ADGRL4: variants seen among roughly 807,000 people sequenced by gnomAD.
The protein encoded by ADGRL4 is adhesion G protein-coupled receptor L4.
ADGRL4 carries 90 observed loss-of-function variants against 74.8 expected under a neutral mutation model. That is an observed-to-expected ratio of 1.20 (90% CI 1.02 to 1.43). The LOEUF (loss-of-function observed/expected upper bound fraction) is 1.43. Ranked by LOEUF, ADGRL4 falls within the 40% of genes most tolerant of loss-of-function variation. The probability of loss-of-function intolerance (pLI) is 0.00; values close to 1 mark genes in which losing one functional copy is unlikely to be tolerated. For missense variants in ADGRL4, 881 were observed against 814.3 expected, an observed-to-expected ratio of 1.08 and a Z score of -1.00; for synonymous variants, 311 against 279.2, an observed-to-expected ratio of 1.11 and a Z score of -1.14.
chr1:79,005,330 A>G, intron 1 of ADGRL4, 111 bp from the exon 2 acceptor site: 2 of 901,106 alleles, frequency 2.2e-6, no homozygotes, highest in South Asian at 5.7e-5. Flanking sequence ...ATTTAGATAA[A>G]TGGATTATAA....
At chr1:78,969,928 T>C (rs1650136968) in intron 2 of ADGRL4, among the ~76,000 whole-genome samples, 1 of 152,166 alleles carries the variant, frequency 6.6e-6, no homozygotes, top group Non-Finnish European at 1.5e-5. Context: ...TCTGAGCAAT[T>C]ATCCTGCAAA....
intron 2 of ADGRL4, among the ~76,000 whole-genome samples, chr1:78,990,130 C>T (rs1650576369): frequency 6.6e-6 from 1 of 151,912 alleles, no homozygotes; most frequent in African/African-American, 2.4e-5. Flanking sequence ...CATCATAGTG[C>T]TTCATCCTCA....
chr1:78,968,094 G>A (rs1650091970), intron 2 of ADGRL4, among the ~76,000 whole-genome samples: 1 of 152,026 alleles, frequency 6.6e-6, no homozygotes, highest in Non-Finnish European at 1.5e-5. Context: ...TGTGAATAAA[G>A]CTAACATATA....
At chr1:78,987,465 T>TA (rs902159526) in intron 2 of ADGRL4, among the ~76,000 whole-genome samples, 5 of 151,640 alleles carry the variant, frequency 3.3e-5, no homozygotes, top group East Asian at 1.9e-4. Context: ...TGAATCAGGA[T>TA]AAAAAAATTA....
chr1:78,966,977 G>A (rs1406017980), intron 2 of ADGRL4, among the ~76,000 whole-genome samples: 8 of 151,462 alleles, frequency 5.3e-5, no homozygotes, highest in Non-Finnish European at 2.9e-5. Flanking sequence ...ATCTTATGGG[G>A]ACTGGGTTTT....
At chr1:78,947,114 G>T (rs1477993066) in intron 2 of ADGRL4, among the ~76,000 whole-genome samples, 1 of 152,136 alleles carries the variant, frequency 6.6e-6, no homozygotes, top group Non-Finnish European at 1.5e-5. Flanking sequence ...TGGAAAATAT[G>T]TGCTTCTCAG....
chr1:78,959,092 G>A (rs140637167), intron 2 of ADGRL4, among the ~76,000 whole-genome samples: 1 of 152,002 alleles, frequency 6.6e-6, no homozygotes, highest in African/African-American at 2.4e-5. Context: ...ACTTACTACT[G>A]TATAATGTAA....
At position 78,928,872 on chromosome 1, in the gene ADGRL4, G is replaced by A. The variant is rs570098447; in HGVS notation, c.878-1781C>T. On this transcript the variant is annotated intron_variant, in intron 7 of 14. Coordinates refer to ENST00000370742, the MANE Select transcript of ADGRL4 (RefSeq NM_022159.4). ...CTTCCAAACTATTAGAAAACTACTG[G>A]GGTGACAGGAGTTATGATTTTTCCT... is the stretch of plus-strand genomic sequence containing the variant. Among the ~76,000 whole-genome samples, 45 of 151,368 alleles carry A rather than the reference G, an allele frequency of 3.0e-4. 3 individuals are homozygous for A. The highest frequency in any genetic ancestry group is 1.1e-3 in the African/African-American group (43 of 40,820).
chr1:78,918,156 A>C (rs1423882432), intron 10 of ADGRL4, 106 bp from the exon 11 acceptor site: 1 of 814,572 alleles, frequency 1.2e-6, no homozygotes, highest in Non-Finnish European at 1.9e-6. Context: ...TTTATACTAT[A>C]AAGTATGCCA....
intron 3 of ADGRL4, among the ~76,000 whole-genome samples, chr1:78,944,665 A>T (rs1649557484): frequency 6.6e-6 from 1 of 152,248 alleles, no homozygotes; most frequent in Non-Finnish European, 1.5e-5. Context: ...CTACACATTT[A>T]AGTATTCCAT....
rs1323147267 is a variant in ADGRL4, at chr1:78,958,947, A to G, written c.173-12521T>C. Among the ~76,000 whole-genome samples the G allele has an allele frequency of 2.0e-5, 3 of 152,316 alleles. No individual in the cohort carries two copies. The East Asian group carries it at 5.8e-4, about 29-fold the overall frequency. On this transcript the variant is annotated intron_variant, in intron 2 of 14. Coordinates refer to ENST00000370742, the MANE Select transcript of ADGRL4 (RefSeq NM_022159.4). ...CCACCCTGATCCGTCAGCAGCCAACATCAAAGCAAGACCTTCCACCAGCAA... is the reference window on the plus strand; with the variant it reads ...CCACCCTGATCCGTCAGCAGCCAACGTCAAAGCAAGACCTTCCACCAGCAA...
At chr1:79,003,603 T>A (rs1650886617) in intron 2 of ADGRL4, among the ~76,000 whole-genome samples, 1 of 151,996 alleles carries the variant, frequency 6.6e-6, no homozygotes, top group East Asian at 1.9e-4. Flanking sequence ...GAAGATGCGT[T>A]TTTAAAAGAA....
At chr1:78,908,444 C>T (rs1648689600) in intron 12 of ADGRL4, among the ~76,000 whole-genome samples, 1 of 151,912 alleles carries the variant, frequency 6.6e-6, no homozygotes, top group Non-Finnish European at 1.5e-5. Context: ...AGCAGAACCC[C>T]TGTAGGTATT....
chr1:78,992,666 ATAGT>A (rs1193738556), intron 2 of ADGRL4, among the ~76,000 whole-genome samples: 6 of 152,134 alleles, frequency 3.9e-5, no homozygotes, highest in African/African-American at 1.4e-4. Flanking sequence ...AATGGACCAA[ATAGT>A]TAAGGATAAA....
chr1:78,954,939 A>G (rs1649798707), intron 2 of ADGRL4, among the ~76,000 whole-genome samples: 1 of 152,138 alleles, frequency 6.6e-6, no homozygotes, highest in African/African-American at 2.4e-5. Context: ...TGTAATTAAT[A>G]AAATTCATCA....
intron 2 of ADGRL4, among the ~76,000 whole-genome samples, chr1:78,995,190 G>A (rs1012646966): frequency 3.9e-5 from 6 of 152,106 alleles, no homozygotes; most frequent in African/African-American, 7.2e-5. Flanking sequence ...TTCTACTTAC[G>A]TTTAATGGTT....
At chr1:78,975,642 T>C (rs1217444089) in intron 2 of ADGRL4, among the ~76,000 whole-genome samples, 1 of 151,930 alleles carries the variant, frequency 6.6e-6, no homozygotes, top group Non-Finnish European at 1.5e-5. Context: ...TGAATTGTTA[T>C]ATATAAGCTT....
intron 2 of ADGRL4, among the ~76,000 whole-genome samples, chr1:78,977,695 G>A (rs1280416493): frequency 6.6e-6 from 1 of 151,864 alleles, no homozygotes; most frequent in African/African-American, 2.4e-5. Flanking sequence ...TATAGTAGTA[G>A]TATGTGTGTG....
chr1:78,965,074 C>T (rs1650027906), intron 2 of ADGRL4, among the ~76,000 whole-genome samples: 2 of 151,814 alleles, frequency 1.3e-5, no homozygotes, highest in South Asian at 4.1e-4. Flanking sequence ...TAATTAAAAA[C>T]AGAAATGTAC....
Sources: gnomAD v4.1 joint callset for allele counts (sites outside exome capture counted in the v4.1 genomes callset) on GRCh38, gnomAD v4.1.1 for gene constraint, MANE v1.5 for transcripts, NCBI Gene and HGNC (gene_info 2026-07-23, HGNC 2026-07-21) for gene names.